AP1B1: variants seen among roughly 807,000 people sequenced by gnomAD.
AP1B1 encodes adaptor related protein complex 1 subunit beta 1.
Under a neutral mutation model 104.3 loss-of-function variants are expected in AP1B1, and 36 were observed. That is an observed-to-expected ratio of 0.35 (90% CI 0.26 to 0.46). The LOEUF (loss-of-function observed/expected upper bound fraction) is 0.46. AP1B1 is among the 20% of genes least tolerant of loss of function. The probability of loss-of-function intolerance (pLI) is 1.00; values close to 1 mark genes in which losing one functional copy is unlikely to be tolerated. For missense variants in AP1B1, 901 were observed against 1,247.9 expected (o/e 0.72, Z 4.19); for synonymous variants, 504 against 517.5 (o/e 0.97, Z 0.35).
chr22:29,342,036 G>A (rs1246233555), intron 12 of AP1B1, among the ~76,000 whole-genome samples: 1 of 152,194 alleles, frequency 6.6e-6, no homozygotes, highest in Non-Finnish European at 1.5e-5. Context: ...ACACCCTCAG[G>A]TTTCCATGGG....
intron 7 of AP1B1, among the ~76,000 whole-genome samples, chr22:29,352,816 G>A (rs1422704806): frequency 6.6e-6 from 1 of 152,136 alleles, no homozygotes; most frequent in Non-Finnish European, 1.5e-5. Flanking sequence ...TACTGCTAGT[G>A]AAACCTGAGC....
intron 6 of AP1B1, 131 bp from the exon 7 acceptor site, chr22:29,355,002 G>A (rs1441973077): frequency 9.6e-6 from 7 of 728,122 alleles, no homozygotes; most frequent in Non-Finnish European, 1.6e-5. Flanking sequence ...TTGGGAGGCC[G>A]AGGTGGGTGG....
chr22:29,341,694 C>A lies in AP1B1; in HGVS notation c.1603G>T (p.Val535Leu). Residue 535 changes from valine (V) to leucine (L), a missense_variant, in exon 13 of 23, where the codon GTG becomes TTG. Physicochemically the swap from Val to Leu is conservative, Grantham distance 32. Transcript: ENST00000357586. ...GCCAACACCACCTCCTTGGCTGCCACCGGGTCCGTGGACAGCAGGCGCCAG... is the reference window on the plus strand; with the variant it reads ...GCCAACACCACCTCCTTGGCTGCCAACGGGTCCGTGGACAGCAGGCGCCAG... The part of the protein sequence containing the change: ...IYWRLLSTDP[V>L]AAKEVVLAEK... 1 of 1,614,162 alleles carries A rather than the reference C, an allele frequency of 6.2e-7. No homozygotes were observed. Among genetic ancestry groups the A allele is most frequent in the South Asian group, 1.1e-5 (1 of 91,084 alleles).
In AP1B1 at chr22:29,328,979, G is replaced by A. The variant is rs935793420; in HGVS notation, c.2776-84C>T. ...AGGAAAGGGGTGGGGAAGAGAGCAG[G>A]AACCAATGGGACAGCGTGGAGTGCA... On this transcript the variant is annotated intron_variant, in intron 22 of 22. Transcript: ENST00000357586. The surrounding 1 kb of genome is among the most constrained non-coding windows in gnomAD (Gnocchi z 4.1). 6.5e-7 allele frequency: 1 copy of A among 1,547,362 alleles called. No individual in the cohort carries two copies. Among genetic ancestry groups the A allele is most frequent in the Non-Finnish European group, 8.7e-7 (1 of 1,149,136 alleles).
chr22:29,348,481 G>T (rs1037450317), intron 11 of AP1B1, among the ~76,000 whole-genome samples: 2 of 152,180 alleles, frequency 1.3e-5, no homozygotes, highest in African/African-American at 4.8e-5. Flanking sequence ...GATAAGCTTC[G>T]CTAAGGCATG....
chr22:29,344,513 GA>G (rs1333914402), intron 11 of AP1B1, among the ~76,000 whole-genome samples: 3 of 127,252 alleles, frequency 2.4e-5, no homozygotes, highest in African/African-American at 9.4e-5. Context: ...CCCTGGCCAA[GA>G]TTTTTTTTTT....
intron 1 of AP1B1, among the ~76,000 whole-genome samples, chr22:29,373,921 G>A (rs899502017): frequency 1.6e-5 from 2 of 127,322 alleles, no homozygotes; most frequent in Non-Finnish European, 3.3e-5. Context: ...AAAAAGGCAA[G>A]GCACGGTGGC....
chr22:29,348,293 G>A (rs1021704126), intron 11 of AP1B1, among the ~76,000 whole-genome samples: 3 of 152,204 alleles, frequency 2.0e-5, no homozygotes, highest in African/African-American at 7.2e-5. Flanking sequence ...CAACACTCAT[G>A]TTTCAGCTCT....
rs1465637381 is a variant in AP1B1 at position 29,329,941 on chromosome 22, C to A, written c.2767-221G>T. 5 of 1,425,292 alleles carry A rather than the reference C, an allele frequency of 3.5e-6. No homozygotes were observed. In the African/African-American group the frequency reaches 4.3e-5, roughly 12 times the overall value. The allele number at this position is 1,425,292 out of a possible 1,614,324, so 88.3% of individuals were successfully genotyped here. A position where few individuals can be genotyped will look rare whatever the true frequency, so the allele number is the denominator to read the frequency against. On this transcript the variant is annotated intron_variant, in intron 21 of 22. Transcript: ENST00000357586. ...CGGGGCCCTGGAACAGCGGTGCAGG[C>A]CTCCAGGACAACTGTGTGCCCCAGG...
intron 9 of AP1B1, 81 bp from the exon 10 acceptor site, chr22:29,350,231 G>T: frequency 9.2e-7 from 1 of 1,087,886 alleles, no homozygotes; most frequent in Non-Finnish European, 1.4e-6. Context: ...CCTCGGCCAA[G>T]GGCTGCAAAT....
intron 10 of AP1B1, 84 bp downstream of exon 10, chr22:29,349,951 G>A: frequency 9.4e-7 from 1 of 1,060,364 alleles, no homozygotes; most frequent in Non-Finnish European, 1.5e-6. Context: ...TAAGGAAGAG[G>A]AGATTCCTCC....
intron 18 of AP1B1, 74 bp from the exon 19 acceptor site, chr22:29,331,607 G>A (rs2061559578): frequency 1.3e-6 from 2 of 1,587,756 alleles, no homozygotes; most frequent in Non-Finnish European, 1.7e-6. Flanking sequence ...GAGTGTCACT[G>A]AGCAGATTCT....
Position 29,340,765 on chromosome 22 carries a change from C to T in AP1B1, c.1889G>A (p.Gly630Asp). The change falls in exon 14 of 23, where the codon GGT becomes GAT. Residue 630 changes from glycine to aspartate, a missense_variant. By Grantham distance (94) the Gly-to-Asp change is moderately conservative (BLOSUM62 -1). Around this residue, in one of 3 missense-constraint regions of AP1B1, gnomAD observed 424 missense variants for 494.0 expected, o/e 0.86. Transcript: ENST00000357586. ...GCCGAGGTCCAGGTTGAGGAGGTCA[C>T]CCAGCAGGTCGCCCTGGGCGGGGAT... is the stretch of plus-strand genomic sequence containing the variant. ...DVIPAQGDLLGDLLNLDLGPP... is the reference protein window; with the variant it reads ...DVIPAQGDLLDDLLNLDLGPP... 1 of 1,599,042 alleles carries T rather than the reference C, an allele frequency of 6.3e-7. No homozygotes were observed. The highest frequency in any genetic ancestry group is 1.3e-5 in the African/African-American group (1 of 74,952).
rs1279819907 is a variant in AP1B1 at position 29,350,134 on chromosome 22, C to T, written c.1172G>A (p.Cys391Tyr). Residue 391 changes from cysteine to tyrosine, a missense_variant, in exon 10 of 23, where the codon TGT becomes TAT. Transcript: ENST00000357586. The part of the protein sequence containing the change: ...AIKVEQSAER[C>Y]VSTLLDLIQT... ...GATGAGGTCGAGCAGCGTGCTCACA[C>T]AGCGCTCCGCAGATTGCTGCATGGG... The T allele has an allele frequency of 1.9e-6, 3 of 1,614,122 alleles. No homozygotes were observed. The highest frequency in any genetic ancestry group is 2.5e-6 in the Non-Finnish European group (3 of 1,179,980).
chr22:29,329,498 G>C, intron 22 of AP1B1: 1 of 1,400,676 alleles, frequency 7.1e-7, no homozygotes, highest in East Asian at 2.7e-5. Flanking sequence ...AGCAGCCCAC[G>C]GGCCCTCCAG....
intron 6 of AP1B1, among the ~76,000 whole-genome samples, chr22:29,355,618 C>T (rs1452359618): frequency 1.3e-5 from 2 of 151,982 alleles, no homozygotes. Flanking sequence ...TTGCTAGGGG[C>T]TTAACTGACA....
chr22:29,382,514 T>C (rs1395254398), intron 1 of AP1B1, among the ~76,000 whole-genome samples: 1 of 151,926 alleles, frequency 6.6e-6, no homozygotes, highest in Non-Finnish European at 1.5e-5. Context: ...TATGTCCTAA[T>C]GGGGGAAAGA....
chr22:29,345,415 A>C (rs1353834199), intron 11 of AP1B1, among the ~76,000 whole-genome samples: 1 of 142,970 alleles, frequency 7.0e-6, no homozygotes, highest in Non-Finnish European at 1.5e-5. Flanking sequence ...TCTGTTGCCC[A>C]GGCTGGAGTG....
At position 29,340,784 on chromosome 22, in the gene AP1B1, C is replaced by A. The variant is rs574401859; in HGVS notation, c.1870G>T (p.Ala624Ser). The change falls in exon 14 of 23, where the codon GCC (alanine) becomes TCC (serine). Residue 624 changes from alanine (A) to serine (S), a missense_variant. Transcript: ENST00000357586. ...AGGTCACCCAGCAGGTCGCCCTGGG[C>A]GGGGATGACATCTGGCTGCTCCCCA... ...PPGEQPDVIP[A>S]QGDLLGDLLN... 4 of 1,599,836 alleles carry A rather than the reference C, an allele frequency of 2.5e-6. No homozygotes were observed. The African/African-American group carries it at 4.0e-5, about 16-fold the overall frequency.
Sources: gnomAD v4.1 joint callset for allele counts (sites outside exome capture counted in the v4.1 genomes callset) on GRCh38, gnomAD v4.1.1 for gene constraint, gnomAD v4.1.1 regional missense constraint, Gnocchi (gnomAD v3.1) non-coding constraint, MANE v1.5 for transcripts, NCBI Gene and HGNC (gene_info 2026-07-23, HGNC 2026-07-21) for gene names.